Variants in TTC7B observed in about 807,000 individuals in gnomAD.
TTC7B encodes tetratricopeptide repeat protein 7B.
Under a neutral mutation model 106.8 loss-of-function variants are expected in TTC7B, and 28 were observed. That is an observed-to-expected ratio of 0.26 (90% CI 0.19 to 0.36). The LOEUF (loss-of-function observed/expected upper bound fraction) is 0.36, where lower values mean the gene tolerates loss of function less well. Among genes scored for constraint, TTC7B ranks in the 10% least tolerant of loss-of-function variants. TTC7B has a pLI of 1.00. For missense variants in TTC7B, 862 were observed against 1,076.4 expected (o/e 0.80, Z 2.79); for synonymous variants, 405 against 430.6 (o/e 0.94, Z 0.74).
chr14:90,657,295 T>G lies in TTC7B; in HGVS notation c.1237-17A>C, dbSNP rs1207244689. On this transcript the variant is annotated splice_polypyrimidine_tract_variant and intron_variant, in intron 10 of 19. Coordinates refer to ENST00000328459, the MANE Select transcript of TTC7B (RefSeq NM_001010854.2). This position sits in a 1 kb window ranked among gnomAD's most constrained non-coding sequence, Gnocchi z 4.2. Reference sequence around the variant, plus strand: ...ACGGGCAGACTTGGCAAGAGAAGATTATTTCCGTGAAACTCAAAGTGTTTG... The same window carrying G: ...ACGGGCAGACTTGGCAAGAGAAGATGATTTCCGTGAAACTCAAAGTGTTTG... The G allele has an allele frequency of 6.2e-7, 1 of 1,611,586 alleles. No homozygotes were observed. The highest frequency in any genetic ancestry group is 1.7e-5 in the Admixed American group (1 of 60,002).
chr14:90,777,895 T>C (rs1595366559), intron 3 of TTC7B, among the ~76,000 whole-genome samples: 2 of 152,314 alleles, frequency 1.3e-5, no homozygotes, highest in Admixed American at 1.3e-4. Flanking sequence ...TCACTATGTG[T>C]CGGCACTGTA....
rs533228898 is a variant in TTC7B at position 90,716,767 on chromosome 14, A to T, written c.698+13308T>A. Among the ~76,000 whole-genome samples, 4 of 152,288 alleles carry T rather than the reference A, an allele frequency of 2.6e-5. No individual in the cohort carries two copies. The East Asian group carries it at 7.7e-4, about 29-fold the overall frequency. ...GCTTTAGATTCTTCCTGGTATTTTA[A>T]CTGCTTATTTCCAGGATGCAGGGAT... On this transcript the variant is annotated intron_variant, in intron 5 of 19. Coordinates refer to ENST00000328459, the MANE Select transcript of TTC7B (RefSeq NM_001010854.2).
At chr14:90,565,647 G>C (rs12896568) in intron 19 of TTC7B, among the ~76,000 whole-genome samples, 1 of 151,566 alleles carries the variant, frequency 6.6e-6, no homozygotes, top group South Asian at 2.1e-4. Flanking sequence ...TGATCTGCCC[G>C]CCTCGGCCTC....
chr14:90,714,706 C>T (rs1888587570), intron 5 of TTC7B, among the ~76,000 whole-genome samples: 1 of 152,130 alleles, frequency 6.6e-6, no homozygotes, highest in South Asian at 2.1e-4. Flanking sequence ...ATCCACCCAC[C>T]TCGGCCTCCC....
At chr14:90,779,046 G>A (rs1891124893) in intron 3 of TTC7B, among the ~76,000 whole-genome samples, 1 of 152,190 alleles carries the variant, frequency 6.6e-6, no homozygotes, top group Non-Finnish European at 1.5e-5. Flanking sequence ...CTGTGCTGGA[G>A]GGACGCGCCA....
intron 19 of TTC7B, among the ~76,000 whole-genome samples, chr14:90,546,090 G>C (rs149149439): frequency 6.6e-6 from 1 of 152,350 alleles, no homozygotes; most frequent in Non-Finnish European, 1.5e-5. Flanking sequence ...CAGTGAGCCA[G>C]GAGCAGCTCA....
At position 90,539,871 on chromosome 14, in the gene TTC7B, G is replaced by A. The variant is rs1889514152; in HGVS notation, c.*1497C>T. The A allele has an allele frequency of 6.6e-6, 1 of 152,244 alleles. No homozygotes were observed. Among genetic ancestry groups the A allele is most frequent in the East Asian group, 1.9e-4 (1 of 5,202 alleles). The allele number at this position is 152,244 out of a possible 1,614,324, so 9.4% of individuals were successfully genotyped here. ...TCCAGCCTCACTTCTCAGCTTGAAA[G>A]GCAGCAGGAAAGAGCGACAGCCTTC... is the stretch of plus-strand genomic sequence containing the variant. On this transcript the variant is annotated 3_prime_UTR_variant, in exon 20 of 20. Coordinates refer to ENST00000328459, the MANE Select transcript of TTC7B (RefSeq NM_001010854.2).
At chr14:90,716,361 G>A (rs1452557069) in intron 5 of TTC7B, among the ~76,000 whole-genome samples, 1 of 152,214 alleles carries the variant, frequency 6.6e-6, no homozygotes, top group African/African-American at 2.4e-5. Context: ...TGGCTAAAAT[G>A]ACTTCACAGA....
chr14:90,778,717 G>A (rs567402928), intron 3 of TTC7B, among the ~76,000 whole-genome samples: 9 of 152,336 alleles, frequency 5.9e-5, no homozygotes, highest in East Asian at 3.9e-4. Flanking sequence ...AAACAAAGCC[G>A]AATGCTGTCA....
rs956436213 is a variant in TTC7B, at chr14:90,525,052, C to T, written c.*16316G>A. On this transcript the variant is annotated 3_prime_UTR_variant, in exon 20 of 20. Transcript: ENST00000328459. ...TAAGAGAGGGATCATATCCATCACC[C>T]TCAAAATGTCTTTATCATCTTTGAA... 6.6e-6 allele frequency: 1 copy of T among 152,192 alleles called. No individual in the cohort carries two copies. The highest frequency in any genetic ancestry group is 2.4e-5 in the African/African-American group (1 of 41,434). 9.4% of individuals were successfully genotyped at this position (152,192 alleles called of 1,614,324 possible). A position where few individuals can be genotyped will look rare whatever the true frequency, so the allele number is the denominator to read the frequency against.
chr14:90,693,952 C>T (rs1887571603), intron 6 of TTC7B, among the ~76,000 whole-genome samples: 1 of 152,166 alleles, frequency 6.6e-6, no homozygotes, highest in Non-Finnish European at 1.5e-5. Flanking sequence ...GTAGAAACAA[C>T]CCAATGTCCA....
chr14:90,608,913 A>G lies in TTC7B; in HGVS notation c.1966+1829T>C, dbSNP rs1053924088. ...CTGAATTTAGTGTGGCTGTTCTCAC[A>G]GGATACTTAGGAGGGAGAAAAGTGG... On this transcript the variant is annotated intron_variant, in intron 17 of 19. Transcript: ENST00000328459. This position sits in a 1 kb window ranked among gnomAD's most constrained non-coding sequence, Gnocchi z 5.1. Among the ~76,000 whole-genome samples the G allele has an allele frequency of 6.6e-6, 1 of 152,240 alleles. No individual in the cohort carries two copies. The highest frequency in any genetic ancestry group is 1.5e-5 in the Non-Finnish European group (1 of 68,038).
intron 3 of TTC7B, among the ~76,000 whole-genome samples, chr14:90,756,382 TTG>T (rs1491293113): frequency 5.5e-5 from 1 of 18,294 alleles, no homozygotes; most frequent in Non-Finnish European, 1.7e-4. Flanking sequence ...CTTTTTTTTT[TTG>T]TTTTTTTTTT....
At chr14:90,644,335 T>C (rs1202170661) in intron 14 of TTC7B, 127 bp from the exon 15 acceptor site, 3 of 1,001,730 alleles carry the variant, frequency 3.0e-6, no homozygotes, top group African/African-American at 3.3e-5. Context: ...TTGAGTTGTT[T>C]CACATTGTGC....
chr14:90,665,366 T>G (rs928724009), intron 9 of TTC7B, among the ~76,000 whole-genome samples: 2 of 152,240 alleles, frequency 1.3e-5, no homozygotes, highest in African/African-American at 4.8e-5. Flanking sequence ...CGAAAACGTT[T>G]CCTTTTGGTA....
intron 3 of TTC7B, among the ~76,000 whole-genome samples, chr14:90,773,207 C>T (rs945373374): frequency 1.3e-5 from 2 of 152,230 alleles, no homozygotes; most frequent in African/African-American, 4.8e-5. Context: ...AAAGCATCTT[C>T]CCATTTTGTC....
chr14:90,564,948 G>A (rs1447652222), intron 19 of TTC7B, among the ~76,000 whole-genome samples: 1 of 152,180 alleles, frequency 6.6e-6, no homozygotes, highest in Non-Finnish European at 1.5e-5. Context: ...GTTGACTATA[G>A]CCACCTTCTT....
At chr14:90,801,903 G>C (rs1478785884) in intron 1 of TTC7B, among the ~76,000 whole-genome samples, 1 of 151,864 alleles carries the variant, frequency 6.6e-6, no homozygotes, top group Non-Finnish European at 1.5e-5. Context: ...TCTACTAAAA[G>C]TACAAAAATT....
At chr14:90,572,409 G>A (rs1191768522) in intron 19 of TTC7B, among the ~76,000 whole-genome samples, 1 of 152,094 alleles carries the variant, frequency 6.6e-6, no homozygotes, top group Non-Finnish European at 1.5e-5. Flanking sequence ...CACATCGTGG[G>A]GCCATCTCCC....
Sources: gnomAD v4.1 joint callset for allele counts (sites outside exome capture counted in the v4.1 genomes callset) on GRCh38, gnomAD v4.1.1 for gene constraint, Gnocchi (gnomAD v3.1) non-coding constraint, MANE v1.5 for transcripts, NCBI Gene and HGNC (gene_info 2026-07-23, HGNC 2026-07-21) for gene names.